ULK4: variants seen among roughly 807,000 people sequenced by gnomAD.
The protein encoded by ULK4 is inactive serine/threonine-protein kinase ULK4.
Under a neutral mutation model 160.6 loss-of-function variants are expected in ULK4, and 133 were observed. That is an observed-to-expected ratio of 0.83 (90% CI 0.72 to 0.96). The LOEUF is 0.96. ULK4 is among the 40% of genes least tolerant of loss of function. The pLI, the probability that ULK4 is intolerant of heterozygous loss-of-function variation, is 0.00. For missense variants in ULK4, 1,580 were observed against 1,499.5 expected, an observed-to-expected ratio of 1.05 and a Z score of -0.89; for synonymous variants, 534 against 539.8, an observed-to-expected ratio of 0.99 and a Z score of 0.15.
chr3:41,429,159 T>C (rs1229238152), intron 34 of ULK4, among the ~76,000 whole-genome samples: 1 of 152,060 alleles, frequency 6.6e-6, no homozygotes, highest in Non-Finnish European at 1.5e-5. Flanking sequence ...AAGGTCAACA[T>C]CACTGATCAT....
intron 33 of ULK4, among the ~76,000 whole-genome samples, chr3:41,457,054 C>T (rs1022530766): frequency 2.6e-5 from 4 of 152,326 alleles, no homozygotes; most frequent in Middle Eastern, 3.4e-3. Flanking sequence ...AACAAATGTG[C>T]GGCACTATCC....
At chr3:41,475,220 A>T (rs2084104181) in intron 32 of ULK4, among the ~76,000 whole-genome samples, 1 of 152,234 alleles carries the variant, frequency 6.6e-6, no homozygotes, top group Non-Finnish European at 1.5e-5. Flanking sequence ...GCATTATGCT[A>T]TGTGAAATAA....
chr3:41,575,824 T>C (rs1274473471), intron 31 of ULK4, among the ~76,000 whole-genome samples: 8 of 151,736 alleles, frequency 5.3e-5, no homozygotes, highest in African/African-American at 1.9e-4. Context: ...TTGGCTTTCC[T>C]AGCCCTGCCC....
chr3:41,658,729 A>ACACACACACACACACACACACTGT (rs2035031860), intron 30 of ULK4, among the ~76,000 whole-genome samples: 2 of 112,416 alleles, frequency 1.8e-5, no homozygotes, highest in African/African-American at 4.4e-5. Context: ...GAAAAACAGT[A>ACACACACACACACACACACACTGT]CACACACACA....
intron 31 of ULK4, among the ~76,000 whole-genome samples, chr3:41,615,034 T>C (rs899258947): frequency 6.6e-6 from 1 of 152,174 alleles, no homozygotes; most frequent in African/African-American, 2.4e-5. Flanking sequence ...CCAACTCAAT[T>C]TTCAGCCTAA....
At chr3:41,288,078 T>C (rs1350083134) in intron 35 of ULK4, among the ~76,000 whole-genome samples, 1 of 152,212 alleles carries the variant, frequency 6.6e-6, no homozygotes, top group Non-Finnish European at 1.5e-5. Flanking sequence ...ATGATTTCTT[T>C]GGTGAGGATG....
intron 3 of ULK4, 92 bp from the exon 4 acceptor site, chr3:41,936,032 A>G (rs762328253): frequency 9.2e-6 from 14 of 1,515,854 alleles, no homozygotes; most frequent in Middle Eastern, 1.8e-4. Context: ...CGAACATTAA[A>G]AAATGATCAA....
rs541984542 is a variant in ULK4 at position 41,602,443 on chromosome 3, G to C, written c.3120+13226C>G. ...AAGGAGAAAGAAAAAAGAGAAAAGAGAAAGAGGAAGAAAGACAGAAAACTA... is the reference window on the plus strand; with the variant it reads ...AAGGAGAAAGAAAAAAGAGAAAAGACAAAGAGGAAGAAAGACAGAAAACTA... On this transcript the variant is annotated intron_variant, in intron 31 of 36. Coordinates refer to ENST00000301831, the MANE Select transcript of ULK4 (RefSeq NM_017886.4). 8.0e-4 allele frequency among the ~76,000 whole-genome samples: 121 copies of C among 151,922 alleles called. 3 individuals are homozygous for C. The South Asian group carries it at 0.024, about 30-fold the overall frequency.
chr3:41,476,727 T>C (rs1332933650), intron 32 of ULK4, among the ~76,000 whole-genome samples: 1 of 152,162 alleles, frequency 6.6e-6, no homozygotes, highest in Non-Finnish European at 1.5e-5. Flanking sequence ...GGCAAATGCA[T>C]AGCCCTTTTT....
At chr3:41,580,678 A>G (rs1449258362) in intron 31 of ULK4, among the ~76,000 whole-genome samples, 1 of 152,194 alleles carries the variant, frequency 6.6e-6, no homozygotes, top group Non-Finnish European at 1.5e-5. Flanking sequence ...TAGAGCAGCC[A>G]GTTGCATCAC....
intron 27 of ULK4, among the ~76,000 whole-genome samples, chr3:41,690,366 C>A (rs1400151269): frequency 1.3e-5 from 2 of 151,264 alleles, no homozygotes; most frequent in Admixed American, 1.3e-4. Context: ...GGGTGCAGCA[C>A]ACCAGCATGG....
chr3:41,648,078 G>A (rs997184321), intron 30 of ULK4, among the ~76,000 whole-genome samples: 17 of 152,322 alleles, frequency 1.1e-4, no homozygotes, highest in African/African-American at 2.9e-4. Context: ...GGAGTGACCC[G>A]ATTTTCCAGG....
intron 21 of ULK4, among the ~76,000 whole-genome samples, chr3:41,780,292 AG>A (rs2039790815): frequency 6.6e-6 from 1 of 152,092 alleles, no homozygotes; most frequent in Non-Finnish European, 1.5e-5. Context: ...TCGGAGAAAG[AG>A]ACCCCACCCT....
chr3:41,450,632 T>C (rs909040128), intron 34 of ULK4, among the ~76,000 whole-genome samples: 6 of 152,192 alleles, frequency 3.9e-5, no homozygotes, highest in Admixed American at 1.3e-4. Context: ...ACTGAAAGTG[T>C]GTTTATTTTT....
chr3:41,839,029 T>C (rs1289619742), intron 17 of ULK4, among the ~76,000 whole-genome samples: 1 of 152,206 alleles, frequency 6.6e-6, no homozygotes, highest in Non-Finnish European at 1.5e-5. Flanking sequence ...TAGTTCATAA[T>C]AACACTTATT....
At chr3:41,705,515 A>C (rs147359560) in intron 25 of ULK4, among the ~76,000 whole-genome samples, 1 of 149,732 alleles carries the variant, frequency 6.7e-6, no homozygotes, top group Non-Finnish European at 1.5e-5. Context: ...TTTTTTTTTG[A>C]GACAGCGTTT....
chr3:41,400,780 C>T (rs888339819), intron 34 of ULK4, among the ~76,000 whole-genome samples: 1 of 152,134 alleles, frequency 6.6e-6, no homozygotes, highest in Non-Finnish European at 1.5e-5. Flanking sequence ...AGCGTTTTAC[C>T]TTTTTACATT....
At chr3:41,788,633 T>C (rs1034876668) in intron 21 of ULK4, among the ~76,000 whole-genome samples, 2 of 151,712 alleles carry the variant, frequency 1.3e-5, no homozygotes, top group Non-Finnish European at 2.9e-5. Context: ...GAGCTTGCAG[T>C]GAGCTGAGAT....
intron 2 of ULK4, among the ~76,000 whole-genome samples, chr3:41,951,462 T>C (rs1700294687): frequency 6.8e-6 from 1 of 146,516 alleles, no homozygotes; most frequent in African/African-American, 2.5e-5. Context: ...AAAGCTACAA[T>C]AATAAAAACA....
Sources: gnomAD v4.1 joint callset for allele counts (sites outside exome capture counted in the v4.1 genomes callset) on GRCh38, gnomAD v4.1.1 for gene constraint, MANE v1.5 for transcripts, NCBI Gene and HGNC (gene_info 2026-07-23, HGNC 2026-07-21) for gene names.